RAPGEF5: variants seen among roughly 807,000 people sequenced by gnomAD.
RAPGEF5 encodes the protein M-Ras-regulated GEF.
RAPGEF5 carries 65 observed loss-of-function variants against 125.2 expected under a neutral mutation model. The observed-to-expected ratio is 0.52, with a 90% CI of 0.43 to 0.64. The LOEUF is 0.64. Among genes scored for constraint, RAPGEF5 ranks in the 30% least tolerant of loss-of-function variants. RAPGEF5 has a pLI of 0.00. For missense variants in RAPGEF5, 958 were observed against 1,048.1 expected (o/e 0.91, Z 1.19); for synonymous variants, 391 against 385.9 (o/e 1.01, Z -0.16).
intron 1 of RAPGEF5, chr7:22,356,379 G>A (rs940804003): frequency 2.5e-5 from 9 of 363,452 alleles, no homozygotes; most frequent in Non-Finnish European, 3.4e-5. Context: ...AACCAGTCTC[G>A]ATGCCCAGAG....
chr7:22,257,014 C>T lies in RAPGEF5; in HGVS notation c.796+9950G>A, dbSNP rs1301060206. On this transcript the variant is annotated intron_variant, in intron 7 of 25. Coordinates refer to ENST00000665637, the MANE Select transcript of RAPGEF5 (RefSeq NM_012294.5). ...CCTTTAATTATTCATAAAACCTACA[C>T]TGATTGGCAGTTACTTTTATTTCTG... Among the ~76,000 whole-genome samples the T allele has an allele frequency of 2.0e-5, 3 of 152,172 alleles. No homozygotes were observed. The East Asian group carries it at 5.8e-4, about 29-fold the overall frequency.
intron 7 of RAPGEF5, among the ~76,000 whole-genome samples, chr7:22,249,514 C>A (rs551996996): frequency 6.6e-6 from 1 of 151,826 alleles, no homozygotes; most frequent in South Asian, 2.1e-4. Flanking sequence ...AGTGCAAATC[C>A]GCTCAAAAAA....
intron 15 of RAPGEF5, 69 bp downstream of exon 15, chr7:22,157,785 AC>A (rs1783856199): frequency 2.7e-6 from 4 of 1,492,770 alleles, no homozygotes; most frequent in Middle Eastern, 1.7e-4. Context: ...ATTATGAAAC[AC>A]GCCAAGGGAG....
chr7:22,260,705 T>C (rs1273611823), intron 7 of RAPGEF5, among the ~76,000 whole-genome samples: 1 of 152,110 alleles, frequency 6.6e-6, no homozygotes, highest in Non-Finnish European at 1.5e-5. Context: ...TAATAATCTA[T>C]AAGGTAAATA....
chr7:22,130,996 C>G (rs776131293), intron 24 of RAPGEF5, 41 bp downstream of exon 24: 1 of 1,534,732 alleles, frequency 6.5e-7, no homozygotes, highest in African/African-American at 1.4e-5. Flanking sequence ...GCATACATTT[C>G]TGTTACTGTA....
intron 9 of RAPGEF5, among the ~76,000 whole-genome samples, chr7:22,199,022 G>A (rs762833698): frequency 4.6e-5 from 7 of 152,172 alleles, no homozygotes; most frequent in African/African-American, 7.2e-5. Context: ...ACTTTCCCTC[G>A]TGCTGACTGA....
intron 21 of RAPGEF5, 81 bp from the exon 22 acceptor site, chr7:22,137,064 GTTGT>G: frequency 2.9e-6 from 3 of 1,034,784 alleles, no homozygotes; most frequent in Non-Finnish European, 4.3e-6. Flanking sequence ...TTTTCATTAC[GTTGT>G]TTATCTGTGT....
At chr7:22,309,387 G>T (rs1382928912) in intron 4 of RAPGEF5, among the ~76,000 whole-genome samples, 1 of 152,182 alleles carries the variant, frequency 6.6e-6, no homozygotes, top group African/African-American at 2.4e-5. Flanking sequence ...CCAACTAGCA[G>T]CTGAGAGACT....
intron 6 of RAPGEF5, among the ~76,000 whole-genome samples, chr7:22,283,922 A>G (rs1782733902): frequency 6.6e-6 from 1 of 152,168 alleles, no homozygotes; most frequent in Non-Finnish European, 1.5e-5. Flanking sequence ...CTTCATTTCA[A>G]TAGGCAATCC....
At chr7:22,211,603 A>C (rs1016361163) in intron 9 of RAPGEF5, among the ~76,000 whole-genome samples, 1 of 152,228 alleles carries the variant, frequency 6.6e-6, no homozygotes, top group Non-Finnish European at 1.5e-5. Context: ...GTTACTACTT[A>C]ATGTGAAATC....
In RAPGEF5 at chr7:22,284,665, G is replaced by A. The variant is rs1473979122; in HGVS notation, c.747+6510C>T. Among the ~76,000 whole-genome samples, 8 of 152,238 alleles carry A rather than the reference G, an allele frequency of 5.3e-5. No homozygotes were observed. In the East Asian group the frequency reaches 1.5e-3, roughly 29 times the overall value. On this transcript the variant is annotated intron_variant, in intron 6 of 25. Coordinates refer to ENST00000665637, the MANE Select transcript of RAPGEF5 (RefSeq NM_012294.5). ...ACAAGATGTTCATGATCCTGTGGCA[G>A]CCAGAAAGAAGGCTTGTCATTCACT... is the stretch of plus-strand genomic sequence containing the variant.
chr7:22,351,316 T>A (rs1784325051), intron 1 of RAPGEF5, among the ~76,000 whole-genome samples: 1 of 152,182 alleles, frequency 6.6e-6, no homozygotes, highest in Non-Finnish European at 1.5e-5. Flanking sequence ...TGTGCCCAAA[T>A]AAAAGTGAAA....
rs1784032607 is a variant in RAPGEF5 at position 22,162,438 on chromosome 7, CT to C, written c.1386del (p.Asp463ThrfsTer13). On this transcript the variant is annotated frameshift_variant, in exon 13 of 26. Transcript: ENST00000665637. LOFTEE classifies it high-confidence loss of function. ...HLVSQWIALY[K>X]DWLPEDEHSK... is the part of the protein sequence containing the mutation. ...GAATGTTCATCTTCAGGTAACCAGTCTTTGTACAGAGCAATCCACTGGGAAA... is the reference window on the plus strand; with the variant it reads ...GAATGTTCATCTTCAGGTAACCAGTCTTGTACAGAGCAATCCACTGGGAAA... The C allele has an allele frequency of 6.3e-7, 1 of 1,599,860 alleles. No individual in the cohort carries two copies. The highest frequency in any genetic ancestry group is 8.6e-7 in the Non-Finnish European group (1 of 1,167,278).
intron 18 of RAPGEF5, among the ~76,000 whole-genome samples, chr7:22,149,163 G>C (rs73077697): frequency 6.6e-6 from 1 of 152,194 alleles, no homozygotes; most frequent in Admixed American, 6.5e-5. Flanking sequence ...AGTGTTAAAC[G>C]AGATACCGTA....
intron 11 of RAPGEF5, among the ~76,000 whole-genome samples, chr7:22,190,548 C>T (rs1784961468): frequency 6.6e-6 from 1 of 151,982 alleles, no homozygotes; most frequent in Admixed American, 6.6e-5. Context: ...TTCTTGAGTC[C>T]AGTAACAACA....
chr7:22,185,129 A>T (rs1322283605), intron 11 of RAPGEF5, among the ~76,000 whole-genome samples: 1 of 152,204 alleles, frequency 6.6e-6, no homozygotes, highest in East Asian at 1.9e-4. Flanking sequence ...TTCATCCATG[A>T]TTCCAGTCTC....
intron 7 of RAPGEF5, among the ~76,000 whole-genome samples, chr7:22,247,259 C>T (rs969939031): frequency 4.8e-4 from 73 of 152,150 alleles, no homozygotes; most frequent in Admixed American, 3.9e-3. Context: ...AATCGTTCTG[C>T]CAAAAAGACA....
intron 10 of RAPGEF5, 158 bp downstream of exon 10, chr7:22,193,757 G>A (rs1252504873): frequency 6.4e-6 from 10 of 1,570,778 alleles, no homozygotes; most frequent in Middle Eastern, 3.3e-4. Context: ...GCTGCTAAGA[G>A]CTCTGCAGTC....
In RAPGEF5 at chr7:22,310,414, A is replaced by G. The variant is rs1206280957; in HGVS notation, c.390-324T>C. On this transcript the variant is annotated intron_variant, in intron 3 of 25. Transcript: ENST00000665637. ...GAGCAGGAACTTTATATAACTCACT[A>G]TTAATTCCCAACAATTAGAACAGTC... Among the ~76,000 whole-genome samples, 6 of 152,220 alleles carry G rather than the reference A, an allele frequency of 3.9e-5. No homozygotes were observed. The East Asian group carries it at 1.2e-3, about 29-fold the overall frequency.
Sources: allele counts gnomAD v4.1 joint callset (sites outside exome capture counted in the v4.1 genomes callset), GRCh38; gene constraint gnomAD v4.1.1; transcripts MANE v1.5; gene names NCBI Gene and HGNC (gene_info 2026-07-23, HGNC 2026-07-21).